Variants in KCNIP4 observed in about 807,000 individuals in gnomAD.
The protein encoded by KCNIP4 is potassium voltage-gated channel interacting protein 4.
In KCNIP4, 12 loss-of-function variants were observed where a neutral mutation model predicts 34.0. The observed-to-expected ratio is 0.35, with a 90% CI of 0.23 to 0.57. The LOEUF is 0.57. Among genes scored for constraint, KCNIP4 ranks in the 20% least tolerant of loss-of-function variants. The probability of loss-of-function intolerance (pLI) is 0.83; values close to 1 mark genes in which losing one functional copy is unlikely to be tolerated. For synonymous variants in KCNIP4, 124 were observed against 102.2 expected (o/e 1.21, Z -1.29); for missense variants, 238 against 311.7 (o/e 0.76, Z 1.78).
intron 1 of KCNIP4, among the ~76,000 whole-genome samples, chr4:21,300,481 T>C (rs917347560): frequency 2.0e-5 from 3 of 152,160 alleles, no homozygotes; most frequent in Non-Finnish European, 4.4e-5. Flanking sequence ...TTAAGATTAC[T>C]TTTCTTCAAA....
chr4:21,687,375 T>A (rs1234926013), intron 1 of KCNIP4, among the ~76,000 whole-genome samples: 1 of 151,096 alleles, frequency 6.6e-6, no homozygotes, highest in African/African-American at 2.4e-5. Flanking sequence ...TGGGAAAAGA[T>A]ACGCAAAGAA....
chr4:21,646,259 G>A (rs1173206217), intron 1 of KCNIP4, among the ~76,000 whole-genome samples: 1 of 152,144 alleles, frequency 6.6e-6, no homozygotes, highest in African/African-American at 2.4e-5. Flanking sequence ...GATCAAATTG[G>A]TTGAGTTGCC....
intron 1 of KCNIP4, among the ~76,000 whole-genome samples, chr4:21,724,898 T>C (rs1294209705): frequency 1.3e-5 from 2 of 152,064 alleles, no homozygotes; most frequent in Admixed American, 6.6e-5. Context: ...CCAAAGGTCT[T>C]TGGACTTCTA....
At chr4:21,015,157 G>A (rs1006878193) in intron 1 of KCNIP4, among the ~76,000 whole-genome samples, 6 of 151,456 alleles carry the variant, frequency 4.0e-5, no homozygotes, top group Non-Finnish European at 7.4e-5. Flanking sequence ...GTGTTTAATG[G>A]GTAGAGCTTC....
intron 1 of KCNIP4, among the ~76,000 whole-genome samples, chr4:21,735,694 A>G (rs915048042): frequency 2.6e-5 from 4 of 152,276 alleles, no homozygotes; most frequent in Admixed American, 2.6e-4. Flanking sequence ...CTAGGTCCCT[A>G]TCTACTCTTG....
At chr4:21,284,893 C>A (rs926652563) in intron 1 of KCNIP4, among the ~76,000 whole-genome samples, 4 of 152,018 alleles carry the variant, frequency 2.6e-5, no homozygotes, top group African/African-American at 7.3e-5. Flanking sequence ...TTCCAAGAGA[C>A]CTGAGCAGAC....
intron 1 of KCNIP4, among the ~76,000 whole-genome samples, chr4:21,229,977 T>A (rs1758677493): frequency 6.6e-6 from 1 of 152,170 alleles, no homozygotes; most frequent in Non-Finnish European, 1.5e-5. Flanking sequence ...AACATTCATA[T>A]CTACCTGGAA....
chr4:21,470,341 G>A (rs1243190319), intron 1 of KCNIP4, among the ~76,000 whole-genome samples: 1 of 152,110 alleles, frequency 6.6e-6, no homozygotes, highest in Non-Finnish European at 1.5e-5. Flanking sequence ...AGGGAAGAAA[G>A]GAAAGAGAGA....
intron 1 of KCNIP4, among the ~76,000 whole-genome samples, chr4:21,596,389 T>C (rs1407749333): frequency 6.6e-6 from 1 of 152,138 alleles, no homozygotes; most frequent in African/African-American, 2.4e-5. Flanking sequence ...CTATTGACTC[T>C]GTAAATGGTA....
At chr4:21,552,654 G>A (rs543744023) in intron 1 of KCNIP4, among the ~76,000 whole-genome samples, 1 of 152,254 alleles carries the variant, frequency 6.6e-6, no homozygotes, top group Non-Finnish European at 1.5e-5. Context: ...GATAGAGGTT[G>A]AGGAGGATGT....
chr4:21,331,636 G>T (rs185027271), intron 1 of KCNIP4, among the ~76,000 whole-genome samples: 58 of 137,370 alleles, frequency 4.2e-4, no homozygotes, highest in African/African-American at 1.6e-3. Context: ...TATACTAAGT[G>T]CTGAATTCAA....
intron 7 of KCNIP4, 28 bp downstream of exon 7, chr4:20,732,653 C>G (rs1485235445): frequency 2.1e-6 from 3 of 1,423,058 alleles, no homozygotes; most frequent in Non-Finnish European, 3.0e-6. Context: ...TAACTTCATG[C>G]CCTCTTGACT....
At chr4:21,571,178 C>T (rs1295410144) in intron 1 of KCNIP4, among the ~76,000 whole-genome samples, 1 of 152,154 alleles carries the variant, frequency 6.6e-6, no homozygotes, top group Non-Finnish European at 1.5e-5. Flanking sequence ...CGCCTTCTCA[C>T]TTCTTTAGGT....
At chr4:21,300,594 G>A (rs746320752) in intron 1 of KCNIP4, among the ~76,000 whole-genome samples, 50 of 152,028 alleles carry the variant, frequency 3.3e-4, no homozygotes, top group Non-Finnish European at 5.6e-4. Context: ...CTTAAGTTTC[G>A]AGAAACGGTA....
chr4:21,832,590 T>A (rs1006767235), intron 1 of KCNIP4, among the ~76,000 whole-genome samples: 12 of 96,138 alleles, frequency 1.2e-4, no homozygotes, highest in Non-Finnish European at 1.9e-4. Flanking sequence ...TTTTATTTTT[T>A]TTTTTATTAT....
At chr4:21,212,375 C>A (rs569573705) in intron 1 of KCNIP4, among the ~76,000 whole-genome samples, 4 of 152,266 alleles carry the variant, frequency 2.6e-5, no homozygotes, top group Non-Finnish European at 4.4e-5. Flanking sequence ...TCTCTTGGAA[C>A]CTGGTTTGAT....
At chr4:21,250,508 T>A (rs1760625414) in intron 1 of KCNIP4, among the ~76,000 whole-genome samples, 1 of 152,176 alleles carries the variant, frequency 6.6e-6, no homozygotes, top group Non-Finnish European at 1.5e-5. Flanking sequence ...TTCCTCTGGT[T>A]TTCCAGGAGG....
intron 1 of KCNIP4, among the ~76,000 whole-genome samples, chr4:21,588,745 A>T (rs1741861882): frequency 6.6e-6 from 1 of 151,984 alleles, no homozygotes; most frequent in South Asian, 2.1e-4. Context: ...CTGTCTCTAG[A>T]GAATATTGTC....
At chr4:21,196,348 T>C (rs1215175445) in intron 1 of KCNIP4, among the ~76,000 whole-genome samples, 1 of 152,226 alleles carries the variant, frequency 6.6e-6, no homozygotes, top group Non-Finnish European at 1.5e-5. Flanking sequence ...TCATAGTAAG[T>C]ATTTACCCTT....
Sources: gnomAD v4.1 joint callset for allele counts (sites outside exome capture counted in the v4.1 genomes callset) on GRCh38, gnomAD v4.1.1 for gene constraint, MANE v1.5 for transcripts, NCBI Gene and HGNC (gene_info 2026-07-23, HGNC 2026-07-21) for gene names.